USPL1: variants seen among roughly 807,000 people sequenced by gnomAD.
The protein encoded by USPL1 is ubiquitin specific peptidase like 1.
A neutral mutation model predicts 51.5 loss-of-function variants in USPL1; 27 were observed. That is an observed-to-expected ratio of 0.52 (90% CI 0.39 to 0.72). USPL1 has a LOEUF of 0.72. Among genes scored for constraint, USPL1 ranks in the 30% least tolerant of loss-of-function variants. USPL1 has a pLI of 0.00. For synonymous variants in USPL1, 451 were observed against 459.6 expected, an observed-to-expected ratio of 0.98 and a Z score of 0.24; for missense variants, 1,226 against 1,268.0, an observed-to-expected ratio of 0.97 and a Z score of 0.50.
rs1951188469 is a variant in USPL1 at position 30,657,943 on chromosome 13, C to A, written c.1866C>A (p.Thr622=). The change falls in exon 9 of 9, where the codon ACC becomes ACA. Residue 622 remains threonine, a synonymous_variant. Transcript: ENST00000255304. Reference sequence around the variant, plus strand: ...CAGAAAATACAGGAATTCTCAAAACCAATACTTTGCTATCACAAGAATCAC... The same window carrying A: ...CAGAAAATACAGGAATTCTCAAAACAAATACTTTGCTATCACAAGAATCAC... ...PVAENTGILK[T]NTLLSQESLM... 6.2e-7 allele frequency: 1 copy of A among 1,613,678 alleles called. No individual in the cohort carries two copies. Among genetic ancestry groups the A allele is most frequent in the Non-Finnish European group, 8.5e-7 (1 of 1,180,038 alleles).
intron 7 of USPL1, among the ~76,000 whole-genome samples, chr13:30,648,202 T>A (rs1326379057): frequency 6.6e-6 from 1 of 152,250 alleles, no homozygotes; most frequent in African/African-American, 2.4e-5. Flanking sequence ...TTTACAATTC[T>A]TATTTTTCCG....
intron 7 of USPL1, among the ~76,000 whole-genome samples, chr13:30,652,179 A>T (rs1222387703): frequency 6.6e-6 from 1 of 152,184 alleles, no homozygotes; most frequent in Non-Finnish European, 1.5e-5. Flanking sequence ...GATTTGATGA[A>T]ATAGATATGA....
intron 3 of USPL1, among the ~76,000 whole-genome samples, chr13:30,626,427 C>T (rs34394577): frequency 0.016 from 2,499 of 152,008 alleles, 33 homozygotes; most frequent in Middle Eastern, 0.051. Flanking sequence ...AAAGTTTTAC[C>T]GGAACATAGC....
At position 30,657,869 on chromosome 13, in the gene USPL1, G is replaced by C; in HGVS notation, c.1792G>C (p.Val598Leu). ...LEETIQKTAS[V>L]SQLNSEAFLL... ...AGAAACTATCCAGAAAACAGCCTCA[G>C]TTTCACAGTTAAATTCTGAAGCTTT... is the stretch of plus-strand genomic sequence containing the variant. Residue 598 changes from valine (V) to leucine (L), a missense_variant, in exon 9 of 9, where the codon GTT (valine) becomes CTT (leucine). Val to Leu is a conservative substitution (Grantham distance 32). Transcript: ENST00000255304. 1 of 1,614,014 alleles carries C rather than the reference G, an allele frequency of 6.2e-7. No individual in the cohort carries two copies. Among genetic ancestry groups the C allele is most frequent in the South Asian group, 1.1e-5 (1 of 91,074 alleles).
At position 30,642,771 on chromosome 13, in the gene USPL1, GTT is replaced by G; in HGVS notation, c.1112+19_1112+20del. The G allele has an allele frequency of 6.2e-7, 1 of 1,603,752 alleles. No individual in the cohort carries two copies. The highest frequency in any genetic ancestry group is 2.2e-5 in the East Asian group (1 of 44,708). ...ATATCAAAACAGGTTAGTTTCTTTTGTTTTTTAAAATGGGTTCTTCTAGTTTC... is the reference window on the plus strand; with the variant it reads ...ATATCAAAACAGGTTAGTTTCTTTTGTTTTAAAATGGGTTCTTCTAGTTTC... On this transcript the variant is annotated intron_variant, in intron 6 of 8. Transcript: ENST00000255304.
In USPL1 at chr13:30,631,294, A is replaced by G. The variant is rs1482757194; in HGVS notation, c.688A>G (p.Lys230Glu). ...SFPQALCVQW[K>E]NAYALCWLDC... The stretch of plus-strand genomic sequence containing the variant: ...TCCCCAGGCTTTATGTGTCCAGTGG[A>G]AAAATGCTTATGCTCTCTGTTGGTT... Residue 230 changes from lysine (K) to glutamate (E), a missense_variant, in exon 4 of 9, where the codon AAA (lysine) becomes GAA (glutamate). Coordinates refer to ENST00000255304, the MANE Select transcript of USPL1 (RefSeq NM_005800.5). 12 of 1,614,094 alleles carry G rather than the reference A, an allele frequency of 7.4e-6. No homozygotes were observed. In the East Asian group the frequency reaches 2.7e-4, roughly 36 times the overall value.
At chr13:30,626,025 A>T (rs1950710480) in intron 3 of USPL1, among the ~76,000 whole-genome samples, 1 of 152,192 alleles carries the variant, frequency 6.6e-6, no homozygotes, top group African/African-American at 2.4e-5. Context: ...AGAAAAAATC[A>T]AAAGAAGGGC....
chr13:30,642,703 ATTC>A lies in USPL1; in HGVS notation c.1061_1063del (p.Ser354del), dbSNP rs1950964335. The A allele has an allele frequency of 6.2e-7, 1 of 1,613,772 alleles. No individual in the cohort carries two copies. Among genetic ancestry groups the A allele is most frequent in the South Asian group, 1.1e-5 (1 of 91,076 alleles). On this transcript the variant is annotated inframe_deletion, in exon 6 of 9. Coordinates refer to ENST00000255304, the MANE Select transcript of USPL1 (RefSeq NM_005800.5). ...ACCCACATTGAAAAGCTCTTCCTATATTCTTTTTCTTGGGACTTTGAATGTTCG... is the reference window on the plus strand; with the variant it reads ...ACCCACATTGAAAAGCTCTTCCTATATTTTTCTTGGGACTTTGAATGTTCG...
chr13:30,632,141 G>T (rs1950815327), intron 4 of USPL1, among the ~76,000 whole-genome samples: 1 of 151,886 alleles, frequency 6.6e-6, no homozygotes, highest in Admixed American at 6.6e-5. Context: ...TCAGGCCCCA[G>T]TGTGTGATGT....
chr13:30,630,697 T>C, intron 3 of USPL1, 138 bp from the exon 4 acceptor site: 1 of 950,182 alleles, frequency 1.1e-6, no homozygotes, highest in South Asian at 2.4e-5. Context: ...TCTAATTTTT[T>C]CAAATTTATG....
rs1951197533 is a variant in USPL1 at position 30,658,295 on chromosome 13, A to G, written c.2218A>G (p.Lys740Glu). ...TTADSQTTTS[K>E]SLQNQSLKEN... Reference sequence around the variant, plus strand: ...AGCAGATTCTCAAACCACAACATCTAAGTCATTACAGAATCAGTCTCTGAA... The same window carrying G: ...AGCAGATTCTCAAACCACAACATCTGAGTCATTACAGAATCAGTCTCTGAA... Residue 740 changes from lysine to glutamate, a missense_variant, in exon 9 of 9, where the codon AAG becomes GAG. Coordinates refer to ENST00000255304, the MANE Select transcript of USPL1 (RefSeq NM_005800.5). 6.2e-7 allele frequency: 1 copy of G among 1,614,014 alleles called. No homozygotes were observed. The highest frequency in any genetic ancestry group is 1.3e-5 in the African/African-American group (1 of 75,040).
intron 3 of USPL1, among the ~76,000 whole-genome samples, chr13:30,629,713 T>C (rs2137630047): frequency 1.3e-5 from 2 of 152,238 alleles, no homozygotes; most frequent in Middle Eastern, 3.4e-3. Flanking sequence ...CACAGTGTGA[T>C]AGCTGGGACT....
chr13:30,625,595 G>A (rs968373317), intron 3 of USPL1, among the ~76,000 whole-genome samples: 3 of 151,842 alleles, frequency 2.0e-5, no homozygotes, highest in African/African-American at 7.3e-5. Flanking sequence ...ACAGGCATGT[G>A]CCACCCAGCC....
intron 5 of USPL1, among the ~76,000 whole-genome samples, chr13:30,639,821 C>G (rs1315324057): frequency 6.6e-6 from 1 of 152,132 alleles, no homozygotes; most frequent in Non-Finnish European, 1.5e-5. Flanking sequence ...TTCTAGACTC[C>G]CTACTTCAGT....
chr13:30,638,193 C>T (rs1032343513), intron 5 of USPL1, among the ~76,000 whole-genome samples: 1 of 152,062 alleles, frequency 6.6e-6, no homozygotes, highest in African/African-American at 2.4e-5. Context: ...TAAAAAGCAC[C>T]GAGGGAATTT....
Position 30,631,070 on chromosome 13 carries a change from A to T in USPL1, c.464A>T (p.Asp155Val). Residue 155 changes from aspartate (D) to valine (V), a missense_variant, in exon 4 of 9, where the codon GAT (aspartate) becomes GTT (valine). Physicochemically the swap from Asp to Val is radical, Grantham distance 152. Transcript: ENST00000255304. The part of the protein sequence containing the change: ...VYDETSSNLP[D>V]SSGQQNPIRT... ...GACGAAACCTCGTCAAACTTACCTG[A>T]TAGTAGTGGTCAACAGAATCCAATT... 1 of 1,614,180 alleles carries T rather than the reference A, an allele frequency of 6.2e-7. No individual in the cohort carries two copies. Among genetic ancestry groups the T allele is most frequent in the Admixed American group, 1.7e-5 (1 of 60,032 alleles).
At chr13:30,628,962 G>C (rs1282309479) in intron 3 of USPL1, among the ~76,000 whole-genome samples, 1 of 152,124 alleles carries the variant, frequency 6.6e-6, no homozygotes, top group Non-Finnish European at 1.5e-5. Context: ...TCAGTTTTCT[G>C]ACATATGATA....
intron 3 of USPL1, among the ~76,000 whole-genome samples, chr13:30,629,362 CT>C (rs1420248567): frequency 6.6e-6 from 1 of 152,060 alleles, no homozygotes; most frequent in East Asian, 1.9e-4. Context: ...TGGCAGGCGC[CT>C]TTAGCACCAG....
chr13:30,629,203 G>A (rs536593219), intron 3 of USPL1, among the ~76,000 whole-genome samples: 40 of 152,208 alleles, frequency 2.6e-4, no homozygotes, highest in African/African-American at 8.9e-4. Context: ...AAACTTAGTC[G>A]CTCAAAAATT....
Sources: gnomAD v4.1 joint callset for allele counts (sites outside exome capture counted in the v4.1 genomes callset) on GRCh38, gnomAD v4.1.1 for gene constraint, MANE v1.5 for transcripts, NCBI Gene and HGNC (gene_info 2026-07-23, HGNC 2026-07-21) for gene names.